MVD: variants seen among roughly 807,000 people sequenced by gnomAD.
MVD encodes the protein mevalonate diphosphate decarboxylase.
In MVD, 52 loss-of-function variants were observed where a neutral mutation model predicts 42.4. That is an observed-to-expected ratio of 1.23 (90% confidence interval 0.98 to 1.55). The LOEUF is 1.55. Among genes scored for constraint, MVD ranks in the 40% most tolerant of loss-of-function variants. MVD has a pLI of 0.00. For missense variants in MVD, 663 were observed against 572.1 expected, an observed-to-expected ratio of 1.16 and a Z score of -1.62; for synonymous variants, 287 against 243.2, an observed-to-expected ratio of 1.18 and a Z score of -1.68.
rs1907804836 is a variant in MVD at position 88,654,810 on chromosome 16, G to A, written c.898-3C>T. The A allele has an allele frequency of 6.4e-7, 1 of 1,567,398 alleles. No individual in the cohort carries two copies. Among genetic ancestry groups the A allele is most frequent in the Non-Finnish European group, 8.6e-7 (1 of 1,158,558 alleles). Reference sequence around the variant, plus strand: ...CCCGCGTCAAAGGTGTACGCCACCTGGAACCCACAGCAGTCACCCTGGCTA... The same window carrying A: ...CCCGCGTCAAAGGTGTACGCCACCTAGAACCCACAGCAGTCACCCTGGCTA... On this transcript the variant is annotated splice_region_variant and splice_polypyrimidine_tract_variant and intron_variant, in intron 7 of 9. Transcript: ENST00000301012.
At chr16:88,654,912 T>C in intron 7 of MVD, 105 bp from the exon 8 acceptor site, 1 of 1,170,152 alleles carries the variant, frequency 8.5e-7, no homozygotes, top group Non-Finnish European at 1.2e-6. Flanking sequence ...GAGCTCAGTC[T>C]AGGCCCTCAG....
At chr16:88,653,610 C>T in intron 8 of MVD, 1 of 544,346 alleles carries the variant, frequency 1.8e-6, no homozygotes, top group Non-Finnish European at 3.2e-6. Context: ...AGGTGGTGCT[C>T]ACATGACCCT....
At chr16:88,661,224 T>C (rs556730299) in intron 1 of MVD, among the ~76,000 whole-genome samples, 3 of 152,100 alleles carry the variant, frequency 2.0e-5, no homozygotes, top group African/African-American at 7.2e-5. Context: ...CTTCAGGACA[T>C]AGGGCTAAGC....
At chr16:88,652,695 G>T in intron 9 of MVD, 90 bp from the exon 10 acceptor site, 1 of 1,263,566 alleles carries the variant, frequency 7.9e-7, no homozygotes, top group Non-Finnish European at 1.1e-6. Context: ...GGAGGGTAGC[G>T]GTGTGCCCCC....
rs1176199653 is a variant in MVD, at chr16:88,655,184, C to A, written c.897+15G>T. ...ACAGCGCGAGCGCAGCCTCTGCCCT[C>A]CCGGCCCGCGTCACCTTGGTGTCCC... On this transcript the variant is annotated intron_variant, in intron 7 of 9. Coordinates refer to ENST00000301012, the MANE Select transcript of MVD (RefSeq NM_002461.3). The A allele has an allele frequency of 2.6e-6, 4 of 1,552,052 alleles. No homozygotes were observed. In the African/African-American group the frequency reaches 4.1e-5, roughly 16 times the overall value.
At chr16:88,656,001 C>A (rs918260396) in intron 5 of MVD, 104 bp downstream of exon 5, 50 of 1,447,498 alleles carry the variant, frequency 3.5e-5, no homozygotes, top group Middle Eastern at 5.0e-4. Context: ...ACCCCAGGAG[C>A]CAAGCAAAGC....
chr16:88,655,607 G>A (rs1416885008), intron 6 of MVD, 49 bp downstream of exon 6: 2 of 1,541,482 alleles, frequency 1.3e-6, no homozygotes, highest in Admixed American at 3.9e-5. Context: ...GCAGAGCCGG[G>A]CACAAGCGTG....
Position 88,653,420 on chromosome 16 carries a change from G to A in MVD, c.1014-12C>T. 2 of 1,600,724 alleles carry A rather than the reference G, an allele frequency of 1.2e-6. No homozygotes were observed. The highest frequency in any genetic ancestry group is 1.1e-5 in the South Asian group (1 of 89,674). ...GCCCCTTCAGAAACCTGGAAAAGCAGGGCAGGGGCACGGTGAATGCATCCG... is the reference window on the plus strand; with the variant it reads ...GCCCCTTCAGAAACCTGGAAAAGCAAGGCAGGGGCACGGTGAATGCATCCG... On this transcript the variant is annotated splice_polypyrimidine_tract_variant and intron_variant, in intron 8 of 9. Transcript: ENST00000301012.
At chr16:88,655,784 G>A (rs1202492119) in intron 5 of MVD, 54 bp from the exon 6 acceptor site, 2 of 1,535,970 alleles carry the variant, frequency 1.3e-6, no homozygotes, top group African/African-American at 2.7e-5. Flanking sequence ...CAGCCCCAAG[G>A]ACCTCAGCCT....
chr16:88,662,011 T>C (rs998059898), intron 1 of MVD: 2 of 151,636 alleles, frequency 1.3e-5, no homozygotes, highest in South Asian at 2.1e-4. Context: ...GAGAGGCATA[T>C]ATATATATCT....
intron 4 of MVD, chr16:88,656,987 G>A (rs891084776): frequency 5.7e-6 from 2 of 352,452 alleles, no homozygotes; most frequent in Non-Finnish European, 1.1e-5. Flanking sequence ...GCAACCAGCT[G>A]TGCCCATTGG....
intron 3 of MVD, 157 bp from the exon 4 acceptor site, chr16:88,657,739 G>C: frequency 1.5e-6 from 2 of 1,298,108 alleles, no homozygotes; most frequent in Non-Finnish European, 2.1e-6. Context: ...ACTGACCCAA[G>C]CCCAGCTGGT....
chr16:88,656,675 C>T (rs539736064), intron 4 of MVD: 61 of 349,086 alleles, frequency 1.7e-4, no homozygotes, highest in Admixed American at 4.3e-4. Context: ...GGGACCGATG[C>T]CAGGACAGAG....
rs149925988 is a variant in MVD, at chr16:88,659,002, T to C, written c.71-282A>G. Reference sequence around the variant, plus strand: ...ACTCCAGCATCCGTGAGTGCCCAGGTGCGGATCGCTCCCACCGCGGCCTGC... The same window carrying C: ...ACTCCAGCATCCGTGAGTGCCCAGGCGCGGATCGCTCCCACCGCGGCCTGC... On this transcript the variant is annotated intron_variant, in intron 1 of 9. Coordinates refer to ENST00000301012, the MANE Select transcript of MVD (RefSeq NM_002461.3). 226 of 434,524 alleles carry C rather than the reference T, an allele frequency of 5.2e-4. 2 individuals are homozygous for C. The highest frequency in any genetic ancestry group is 4.3e-3 in the African/African-American group (213 of 49,764). The allele number at this position is 434,524 out of a possible 1,614,324, so 26.9% of individuals were successfully genotyped here. A position where few individuals can be genotyped will look rare whatever the true frequency, so the allele number is the denominator to read the frequency against.
At chr16:88,661,794 G>A (rs914776458) in intron 1 of MVD, among the ~76,000 whole-genome samples, 33 of 150,758 alleles carry the variant, frequency 2.2e-4, no homozygotes, top group African/African-American at 7.8e-4. Flanking sequence ...CATCACCGTA[G>A]GGATGCAAAA....
intron 9 of MVD, among the ~76,000 whole-genome samples, 176 bp downstream of exon 9, chr16:88,653,124 A>T (rs1183910711): frequency 6.6e-6 from 1 of 152,168 alleles, no homozygotes; most frequent in African/African-American, 2.4e-5. Flanking sequence ...GAGCATCACC[A>T]GTGGCCTGTA....
chr16:88,658,915 C>G (rs1908116813), intron 1 of MVD, 195 bp from the exon 2 acceptor site: 1 of 589,102 alleles, frequency 1.7e-6, no homozygotes, highest in Admixed American at 2.7e-5. Context: ...AGCTCAGGCT[C>G]CCAGAGCAGA....
At chr16:88,652,987 G>A (rs891431919) in intron 9 of MVD, among the ~76,000 whole-genome samples, 1 of 152,022 alleles carries the variant, frequency 6.6e-6, no homozygotes, top group Non-Finnish European at 1.5e-5. Flanking sequence ...GGGGTGGGGG[G>A]GTCCCAGGGA....
At position 88,654,789 on chromosome 16, in the gene MVD, C is replaced by T. The variant is rs772656834; in HGVS notation, c.916G>A (p.Ala306Thr). Residue 306 changes from alanine to threonine, a missense_variant, in exon 8 of 10, where the codon GCG becomes ACG. Transcript: ENST00000301012. ...GDTKVAYTFD[A>T]GPNAVIFTLD... ...GTGAAGATCACGGCATTGGGGCCCG[C>T]GTCAAAGGTGTACGCCACCTGGAAC... 1.1e-5 allele frequency: 17 copies of T among 1,584,808 alleles called. No individual in the cohort carries two copies. The highest frequency in any genetic ancestry group is 9.1e-5 in the East Asian group (4 of 43,928).
Sources: gnomAD v4.1 joint callset for allele counts (sites outside exome capture counted in the v4.1 genomes callset) on GRCh38, gnomAD v4.1.1 for gene constraint, MANE v1.5 for transcripts, NCBI Gene and HGNC (gene_info 2026-07-23, HGNC 2026-07-21) for gene names.